The following PCDHGB3 variants were observed in gnomAD, a reference collection of about 807,000 sequenced individuals.
The protein encoded by PCDHGB3 is protocadherin gamma-B3.
PCDHGB3 carries 40 observed loss-of-function variants against 59.2 expected under a neutral mutation model. The observed-to-expected ratio is 0.68, with a 90% confidence interval of 0.52 to 0.88. The LOEUF is 0.88. PCDHGB3 is among the 40% of genes least tolerant of loss of function. The pLI, the probability that PCDHGB3 is intolerant of heterozygous loss-of-function variation, is 0.00. For missense variants in PCDHGB3, 1,309 were observed against 1,187.9 expected, an observed-to-expected ratio of 1.10 and a Z score of -1.50; for synonymous variants, 581 against 503.6, an observed-to-expected ratio of 1.15 and a Z score of -2.06.
In PCDHGB3 at chr5:141,393,997, A is replaced by G. The variant is rs375314377; in HGVS notation, c.2415+21188A>G. ...CGTGATAATTTACCTTTTAAATTAG[A>G]AAAGTCAATAGGTAATTATTATAGA... On this transcript the variant is annotated intron_variant, in intron 1 of 3. Coordinates refer to ENST00000576222, the MANE Select transcript of PCDHGB3 (RefSeq NM_018924.5). 7.4e-6 allele frequency: 12 copies of G among 1,613,330 alleles called. 1 individual carries two copies. The African/African-American group carries it at 8.0e-5, about 11-fold the overall frequency.
At chr5:141,405,008 G>A in intron 1 of PCDHGB3, 1 of 1,614,000 alleles carries the variant, frequency 6.2e-7, no homozygotes, top group Non-Finnish European at 8.5e-7. Context: ...AGACCTGGAG[G>A]CCTCAGACCT....
Position 141,374,129 on chromosome 5 carries a change from C to T in PCDHGB3, c.2415+1320C>T. 4 of 1,603,566 alleles carry T rather than the reference C, an allele frequency of 2.5e-6. No individual in the cohort carries two copies. In the South Asian group the frequency reaches 4.4e-5, roughly 18 times the overall value. On this transcript the variant is annotated intron_variant, in intron 1 of 3. Transcript: ENST00000576222. ...TCCGCAGCGCAGCGAGCAGGTCCTG[C>T]TCCTCACGCTCCTGGGGACGCTGTG... is the stretch of plus-strand genomic sequence containing the variant.
At chr5:141,376,144 G>T (rs753001081) in intron 1 of PCDHGB3, 1 of 1,613,918 alleles carries the variant, frequency 6.2e-7, no homozygotes, top group Non-Finnish European at 8.5e-7. Flanking sequence ...CCAACGATTC[G>T]GACCTCACTC....
At chr5:141,380,987 C>G (rs1776914459) in intron 1 of PCDHGB3, among the ~76,000 whole-genome samples, 1 of 152,202 alleles carries the variant, frequency 6.6e-6, no homozygotes. Context: ...GAATTTAACT[C>G]CAGTTTACAG....
chr5:141,420,050 C>A, intron 1 of PCDHGB3: 1 of 1,614,076 alleles, frequency 6.2e-7, no homozygotes. Context: ...TGAGTCAGTT[C>A]TCTGCTCCAA....
In PCDHGB3 at chr5:141,371,356, C is replaced by T. The variant is rs748519288; in HGVS notation, c.962C>T (p.Ala321Val). 2.4e-5 allele frequency: 38 copies of T among 1,613,940 alleles called. No homozygotes were observed. The East Asian group carries it at 7.8e-4, about 33-fold the overall frequency. ...ERDSYTIGVE[A>V]KDGGHHTAYC... ...GATAGCTACACAATTGGGGTGGAAG[C>T]AAAGGATGGTGGACATCACACTGCA... is the stretch of plus-strand genomic sequence containing the variant. The change falls in exon 1 of 4, where the codon GCA becomes GTA. Residue 321 changes from alanine to valine, a missense_variant. Ala to Val is a moderately conservative substitution (Grantham distance 64, BLOSUM62 0). Transcript: ENST00000576222.
chr5:141,372,601 T>A lies in PCDHGB3; in HGVS notation c.2207T>A (p.Val736Glu). 12 of 1,614,028 alleles carry A rather than the reference T, an allele frequency of 7.4e-6. No homozygotes were observed. The highest frequency in any genetic ancestry group is 1.0e-5 in the Non-Finnish European group (12 of 1,179,884). The change falls in exon 1 of 4, where the codon GTA becomes GAA. Residue 736 changes from valine (V) to glutamate (E), a missense_variant. By Grantham distance (121) the Val-to-Glu change is moderately radical. Coordinates refer to ENST00000576222, the MANE Select transcript of PCDHGB3 (RefSeq NM_018924.5). ...CAGCCTGGTGTCTGCTTCAAGACTGTACCTGGAGTTCTCCCCACCTACAGC... is the reference window on the plus strand; with the variant it reads ...CAGCCTGGTGTCTGCTTCAAGACTGAACCTGGAGTTCTCCCCACCTACAGC... ...YFQPGVCFKT[V>E]PGVLPTYSER... is the part of the protein sequence containing the mutation.
intron 1 of PCDHGB3, chr5:141,384,043 G>A (rs367639640): frequency 1.6e-5 from 26 of 1,612,650 alleles, no homozygotes; most frequent in Admixed American, 3.3e-5. Flanking sequence ...GAATGGTGAG[G>A]TGACCTGCAC....
At chr5:141,430,910 G>T in intron 1 of PCDHGB3, 2 of 1,608,040 alleles carry the variant, frequency 1.2e-6, no homozygotes, top group Middle Eastern at 1.7e-4. Context: ...CATCTCCAGG[G>T]ACCTGGGGCT....
rs1355278714 is a variant in PCDHGB3 at position 141,398,651 on chromosome 5, A to G, written c.2415+25842A>G. 10 of 1,613,998 alleles carry G rather than the reference A, an allele frequency of 6.2e-6. No homozygotes were observed. The South Asian group carries it at 1.1e-4, about 18-fold the overall frequency. On this transcript the variant is annotated intron_variant, in intron 1 of 3. Coordinates refer to ENST00000576222, the MANE Select transcript of PCDHGB3 (RefSeq NM_018924.5). ...CTGCAGAAGTATAAACTCTCTCTTA[A>G]CCCAAGTTTCTCATTAATAATTAAG... is the stretch of plus-strand genomic sequence containing the variant.
intron 1 of PCDHGB3, among the ~76,000 whole-genome samples, chr5:141,456,083 G>A (rs2098842632): frequency 6.6e-6 from 1 of 151,960 alleles, no homozygotes; most frequent in South Asian, 2.1e-4. Context: ...ATTTTCAGTA[G>A]AGACGGGATT....
At position 141,511,622 on chromosome 5, in the gene PCDHGB3, A is replaced by G; in HGVS notation, c.*449A>G. 4.3e-6 allele frequency: 1 copy of G among 232,852 alleles called. No individual in the cohort carries two copies. The highest frequency in any genetic ancestry group is 8.7e-6 in the Non-Finnish European group (1 of 114,994). The allele number at this position is 232,852 out of a possible 1,614,324, so 14.4% of individuals were successfully genotyped here. A position where few individuals can be genotyped will look rare whatever the true frequency, so the allele number is the denominator to read the frequency against. On this transcript the variant is annotated 3_prime_UTR_variant, in exon 4 of 4. Transcript: ENST00000576222. ...AACCTACAAGCCTCCTAGTTCTGAA[A>G]AGTTGGAAGGGCATCATGACCTCTT...
chr5:141,477,536 G>T lies in PCDHGB3; in HGVS notation c.2416-17271G>T. 1.2e-6 allele frequency: 2 copies of T among 1,614,076 alleles called. No homozygotes were observed. Among genetic ancestry groups the T allele is most frequent in the Non-Finnish European group, 1.7e-6 (2 of 1,180,018 alleles). ...CATTGAAGAAAACAACCTCCCCGGG[G>T]CTCCAATACTAAACCTAAGTGTCTG... On this transcript the variant is annotated intron_variant, in intron 1 of 3. Coordinates refer to ENST00000576222, the MANE Select transcript of PCDHGB3 (RefSeq NM_018924.5). The surrounding 1 kb of genome is among the most constrained non-coding windows in gnomAD (Gnocchi z 4.9).
intron 1 of PCDHGB3, among the ~76,000 whole-genome samples, chr5:141,425,133 A>T (rs1311425564): frequency 6.6e-6 from 1 of 152,200 alleles, no homozygotes; most frequent in Non-Finnish European, 1.5e-5. Flanking sequence ...GTCAAGAAAA[A>T]TGTTCAGGTA....
intron 1 of PCDHGB3, chr5:141,418,421 G>A (rs776535087): frequency 2.5e-6 from 4 of 1,613,966 alleles, no homozygotes; most frequent in Non-Finnish European, 3.4e-6. Flanking sequence ...CAATCCTGAT[G>A]GTGGCAAATA....
rs776211508 is a variant in PCDHGB3, at chr5:141,491,001, C to T, written c.2416-3806C>T. On this transcript the variant is annotated intron_variant, in intron 1 of 3. Transcript: ENST00000576222. The surrounding 1 kb of genome is among the most constrained non-coding windows in gnomAD (Gnocchi z 6.9). The stretch of plus-strand genomic sequence containing the variant: ...TCCCTCGCTCTGCTCCTCCTGGCTC[C>T]TTGGTCACCAAGGTGACAGCCGTGG... The T allele has an allele frequency of 6.2e-7, 1 of 1,614,140 alleles. No individual in the cohort carries two copies. Among genetic ancestry groups the T allele is most frequent in the Non-Finnish European group, 8.5e-7 (1 of 1,180,044 alleles).
At chr5:141,455,128 T>C (rs2098813900) in intron 1 of PCDHGB3, among the ~76,000 whole-genome samples, 2 of 151,962 alleles carry the variant, frequency 1.3e-5, no homozygotes, top group Admixed American at 6.6e-5. Context: ...ATGTTTTAAA[T>C]TACACTGTGT....
chr5:141,428,392 T>A, intron 1 of PCDHGB3: 1 of 497,196 alleles, frequency 2.0e-6, no homozygotes, highest in Admixed American at 3.1e-5. Flanking sequence ...TTCCAGCCCC[T>A]CTGCCTGGGG....
At position 141,433,142 on chromosome 5, in the gene PCDHGB3, G is replaced by T. The variant is rs2097571106; in HGVS notation, c.2415+60333G>T. On this transcript the variant is annotated intron_variant, in intron 1 of 3. Coordinates refer to ENST00000576222, the MANE Select transcript of PCDHGB3 (RefSeq NM_018924.5). ...AAAAAGCGAGCCCCTTTTGCTGTCA[G>T]GTGATTCGGTATTTTCTAAAGACAG... The T allele has an allele frequency of 4.7e-5, 76 of 1,613,992 alleles. No homozygotes were observed. Among genetic ancestry groups the T allele is most frequent in the Non-Finnish European group, 6.4e-5 (76 of 1,180,016 alleles).
Sources: allele counts gnomAD v4.1 joint callset (sites outside exome capture counted in the v4.1 genomes callset), GRCh38; gene constraint gnomAD v4.1.1; non-coding constraint Gnocchi (gnomAD v3.1); transcripts MANE v1.5; gene names NCBI Gene and HGNC (gene_info 2026-07-23, HGNC 2026-07-21).